The following GLYATL1B variants were observed in gnomAD, a reference collection of about 807,000 sequenced individuals.
The protein encoded by GLYATL1B is glycine-N-acyltransferase like 1B.
Under a neutral mutation model 5.5 loss-of-function variants are expected in GLYATL1B, and 6 were observed. The ratio of observed to expected loss-of-function variants is 1.09; its 90% confidence interval spans 0.60 to 2.15. GLYATL1B has a LOEUF of 2.15. Among genes scored for constraint, GLYATL1B ranks in the 30% most tolerant of loss-of-function variants. The probability of loss-of-function intolerance (pLI) is 0.00; values close to 1 mark genes in which losing one functional copy is unlikely to be tolerated. For missense variants in GLYATL1B, 135 were observed against 94.1 expected, an observed-to-expected ratio of 1.43 and a Z score of -1.80; for synonymous variants, 67 against 34.9, an observed-to-expected ratio of 1.92 and a Z score of -3.24.
intron 1 of GLYATL1B, among the ~76,000 whole-genome samples, chr11:59,086,855 G>A (rs1162168615): frequency 1.3e-5 from 2 of 152,154 alleles, no homozygotes; most frequent in African/African-American, 4.8e-5. Flanking sequence ...GTAGCTCTGT[G>A]GTATCACAAG....
At chr11:59,088,902 A>G (rs1378812971) in intron 2 of GLYATL1B, among the ~76,000 whole-genome samples, 2 of 152,190 alleles carry the variant, frequency 1.3e-5, no homozygotes, top group Admixed American at 1.3e-4. Context: ...TTAAGGTGAG[A>G]TGCAGGAGAA....
chr11:59,093,447 T>A (rs780243110), intron 2 of GLYATL1B, 82 bp from the exon 3 acceptor site: 16 of 448,910 alleles, frequency 3.6e-5, no homozygotes, highest in Non-Finnish European at 6.1e-5. Flanking sequence ...CTTTTGAATT[T>A]TCATTTTTCT....
In GLYATL1B at chr11:59,086,724, G is replaced by T. The variant is rs188358065; in HGVS notation, c.78+340G>T. ...GTGCCTTTAGCTTTCTTTACGTTTG[G>T]TCTTTTCATTAATAAAATGGGAATA... On this transcript the variant is annotated intron_variant, in intron 1 of 4. Transcript: ENST00000527482. Among the ~76,000 whole-genome samples the T allele has an allele frequency of 2.3e-3, 354 of 152,218 alleles. 1 individual carries two copies. Among genetic ancestry groups the T allele is most frequent in the Non-Finnish European group, 3.8e-3 (259 of 68,012 alleles).
intron 2 of GLYATL1B, among the ~76,000 whole-genome samples, chr11:59,088,999 A>C (rs1590870973): frequency 2.0e-5 from 3 of 152,336 alleles, no homozygotes; most frequent in Admixed American, 2.0e-4. Flanking sequence ...AAAATTCAAC[A>C]TGATTTTAAG....
chr11:59,093,415 C>T (rs541612333), intron 2 of GLYATL1B, 114 bp from the exon 3 acceptor site: 25 of 402,200 alleles, frequency 6.2e-5, no homozygotes, highest in East Asian at 2.5e-4. Context: ...CTGCAGCCAT[C>T]GTGGGCTAGT....
At chr11:59,093,852 G>A (rs1393665940) in intron 3 of GLYATL1B, 82 bp from the exon 4 acceptor site, 5 of 537,080 alleles carry the variant, frequency 9.3e-6, no homozygotes, top group Middle Eastern at 3.9e-4. Context: ...GAACTACTAA[G>A]CACTGAGGCA....
chr11:59,088,833 C>T (rs1859247624), intron 2 of GLYATL1B, among the ~76,000 whole-genome samples: 1 of 152,128 alleles, frequency 6.6e-6, no homozygotes, highest in Admixed American at 6.5e-5. Context: ...AGTCTGATTC[C>T]ATAGTATACC....
intron 2 of GLYATL1B, among the ~76,000 whole-genome samples, chr11:59,089,946 G>A (rs1232570726): frequency 6.6e-6 from 1 of 151,864 alleles, no homozygotes. Context: ...TTGTCTTACA[G>A]TGAGTTAATT....
rs1181091179 is a variant in GLYATL1B at position 59,094,019 on chromosome 11, T to A, written c.399T>A (p.Phe133Leu). 1.4e-6 allele frequency: 1 copy of A among 713,124 alleles called. No homozygotes were observed. Among genetic ancestry groups the A allele is most frequent in the African/African-American group, 1.8e-5 (1 of 56,010 alleles). 44.2% of individuals were successfully genotyped at this position (713,124 alleles called of 1,614,324 possible). ...VKVEHSRALL[F>L]VTEDILKLYA... ...TAGAGCATTCGAGAGCACTCCTCTT[T>A]GTTACGGAAGATATCCTGAAGCTCT... The change falls in exon 4 of 5, where the codon TTT (phenylalanine) becomes TTA (leucine). Residue 133 changes from phenylalanine (F) to leucine (L), a missense_variant. Transcript: ENST00000527482.
intron 2 of GLYATL1B, among the ~76,000 whole-genome samples, chr11:59,093,115 G>C (rs1317455028): frequency 1.3e-5 from 2 of 152,214 alleles, no homozygotes; most frequent in Non-Finnish European, 2.9e-5. Context: ...TGGTCCAGGA[G>C]GTGAGAGAAG....
At position 59,094,101 on chromosome 11, in the gene GLYATL1B, G is replaced by T; in HGVS notation, c.481G>T (p.Glu161Ter). 6.4e-6 allele frequency: 4 copies of T among 624,442 alleles called. No individual in the cohort carries two copies. The allele number at this position is 624,442 out of a possible 1,614,324, so 38.7% of individuals were successfully genotyped here. ...GGCTGAGACAGGCCACCCAGATGAC[G>T]AATTGGAGAGGTACAAAAAACATGT... ...SWAETGHPDD[E>*]LESETPNFKY... is the part of the protein sequence containing the mutation. Residue 161 changes from glutamate (E) to a stop codon, truncating the protein, a stop_gained, in exon 4 of 5, where the codon GAA becomes TAA. Transcript: ENST00000527482. LOFTEE classifies it low-confidence loss of function (END_TRUNC).
chr11:59,088,531 G>C (rs779443026), intron 2 of GLYATL1B, among the ~76,000 whole-genome samples: 3 of 152,164 alleles, frequency 2.0e-5, no homozygotes, highest in Admixed American at 6.5e-5. Context: ...TTAATGGTTA[G>C]TTTACTTGAT....
chr11:59,093,514 C>T lies in GLYATL1B; in HGVS notation c.187-15C>T. On this transcript the variant is annotated splice_polypyrimidine_tract_variant and intron_variant, in intron 2 of 4. Coordinates refer to ENST00000527482, the MANE Select transcript of GLYATL1B (RefSeq NM_001355566.1). ...AGTTCAAGGGAATGATCTGACCTTT[C>T]ACCATCCTACACAGGAGATGACTGA... 1 of 477,340 alleles carries T rather than the reference C, an allele frequency of 2.1e-6. No individual in the cohort carries two copies. The highest frequency in any genetic ancestry group is 3.9e-6 in the Non-Finnish European group (1 of 258,850). The allele number at this position is 477,340 out of a possible 1,614,324, so 29.6% of individuals were successfully genotyped here. A position where few individuals can be genotyped will look rare whatever the true frequency, so the allele number is the denominator to read the frequency against.
intron 2 of GLYATL1B, among the ~76,000 whole-genome samples, chr11:59,092,217 G>T (rs1357083111): frequency 6.7e-6 from 1 of 149,204 alleles, no homozygotes; most frequent in African/African-American, 2.5e-5. Context: ...CTTACCAGAA[G>T]TTTATCTCTC....
At chr11:59,090,665 G>T (rs1452454469) in intron 2 of GLYATL1B, among the ~76,000 whole-genome samples, 1 of 151,748 alleles carries the variant, frequency 6.6e-6, no homozygotes, top group African/African-American at 2.4e-5. Flanking sequence ...TTTGCCTGGG[G>T]TGTTATTTGT....
chr11:59,092,153 C>T (rs1422522508), intron 2 of GLYATL1B, among the ~76,000 whole-genome samples: 2 of 151,668 alleles, frequency 1.3e-5, no homozygotes, highest in South Asian at 4.2e-4. Flanking sequence ...ATGGCTCATA[C>T]TCTATGCCTT....
intron 2 of GLYATL1B, among the ~76,000 whole-genome samples, chr11:59,088,030 T>G (rs915672921): frequency 3.9e-5 from 6 of 152,198 alleles, no homozygotes; most frequent in African/African-American, 1.4e-4. Context: ...GTCAGGTAGC[T>G]GCTGGATACC....
At position 59,086,344 on chromosome 11, in the gene GLYATL1B, T is replaced by C. The variant is rs1260903664; in HGVS notation, c.38T>C (p.Leu13Pro). Reference sequence around the variant, plus strand: ...AATAATTCCGAGCGGCTGCTGGCCCTATTCAAATCTTTAGCAAGGAGCATT... The same window carrying C: ...AATAATTCCGAGCGGCTGCTGGCCCCATTCAAATCTTTAGCAAGGAGCATT... ...LLNNSERLLA[L>P]FKSLARSIPE... Residue 13 changes from leucine to proline, a missense_variant, in exon 1 of 5, where the codon CTA becomes CCA. Coordinates refer to ENST00000527482, the MANE Select transcript of GLYATL1B (RefSeq NM_001355566.1). 4 of 398,980 alleles carry C rather than the reference T, an allele frequency of 1.0e-5. No homozygotes were observed. Among genetic ancestry groups the C allele is most frequent in the Non-Finnish European group, 1.8e-5 (4 of 225,896 alleles). The allele number at this position is 398,980 out of a possible 1,614,324, so 24.7% of individuals were successfully genotyped here. A position where few individuals can be genotyped will look rare whatever the true frequency, so the allele number is the denominator to read the frequency against.
chr11:59,088,474 G>A (rs1422909776), intron 2 of GLYATL1B, among the ~76,000 whole-genome samples: 1 of 152,040 alleles, frequency 6.6e-6, no homozygotes, highest in Non-Finnish European at 1.5e-5. Context: ...CCTTCCCCAG[G>A]GATGTTCTTT....
Sources: allele counts gnomAD v4.1 joint callset (sites outside exome capture counted in the v4.1 genomes callset), GRCh38; gene constraint gnomAD v4.1.1; transcripts MANE v1.5; gene names NCBI Gene and HGNC (gene_info 2026-07-23, HGNC 2026-07-21).